Variants in PIAS1 observed in about 807,000 individuals in gnomAD.
PIAS1 encodes E3 SUMO-protein ligase PIAS1.
Under a neutral mutation model 71.3 loss-of-function variants are expected in PIAS1, and 6 were observed. That is an observed-to-expected ratio of 0.08 (90% CI 0.05 to 0.17). The LOEUF is 0.17. Among genes scored for constraint, PIAS1 ranks in the 10% least tolerant of loss-of-function variants. PIAS1 has a pLI of 1.00. For missense variants in PIAS1, 555 were observed against 793.6 expected, an observed-to-expected ratio of 0.70 and a Z score of 3.61; for synonymous variants, 303 against 292.9, an observed-to-expected ratio of 1.03 and a Z score of -0.35.
At position 68,141,422 on chromosome 15, in the gene PIAS1, C is replaced by CT. The variant is rs528739745; in HGVS notation, c.470-523dup. ...GACAATAAGCAAATTTTGAACTCAT[C>CT]TAAGATTAGGAGAAAAACTGTATGT... On this transcript the variant is annotated intron_variant, in intron 2 of 13. Transcript: ENST00000249636. Among the ~76,000 whole-genome samples, 35 of 152,108 alleles carry CT rather than the reference C, an allele frequency of 2.3e-4. 1 individual carries two copies. Among genetic ancestry groups the CT allele is most frequent in the Admixed American group, 2.2e-3 (34 of 15,264 alleles).
intron 6 of PIAS1, among the ~76,000 whole-genome samples, chr15:68,153,009 A>G (rs1363453058): frequency 1.3e-5 from 2 of 151,070 alleles, no homozygotes; most frequent in Non-Finnish European, 2.9e-5. Context: ...TTCTGTTTGA[A>G]AACCTTCTTT....
chr15:68,095,731 A>G lies in PIAS1; in HGVS notation c.469+8981A>G, dbSNP rs190552978. Reference sequence around the variant, plus strand: ...ATTTTCGTAGAGACAGGGTTTCATCATGTTGCCCAGGCTGGTCCCAAAATC... The same window carrying G: ...ATTTTCGTAGAGACAGGGTTTCATCGTGTTGCCCAGGCTGGTCCCAAAATC... On this transcript the variant is annotated intron_variant, in intron 2 of 13. Coordinates refer to ENST00000249636, the MANE Select transcript of PIAS1 (RefSeq NM_016166.3). Among the ~76,000 whole-genome samples the G allele has an allele frequency of 7.1e-3, 1,081 of 152,024 alleles. 12 individuals carry two copies. Among genetic ancestry groups the G allele is most frequent in the Non-Finnish European group, 0.012 (804 of 67,960 alleles).
intron 1 of PIAS1, among the ~76,000 whole-genome samples, chr15:68,070,970 G>A (rs1046868722): frequency 4.6e-5 from 7 of 151,964 alleles, no homozygotes; most frequent in Non-Finnish European, 1.0e-4. Flanking sequence ...TTACGTGTGT[G>A]TCTCAATATT....
At chr15:68,172,829 A>G (rs1018000197) in intron 8 of PIAS1, among the ~76,000 whole-genome samples, 1 of 152,210 alleles carries the variant, frequency 6.6e-6, no homozygotes, top group African/African-American at 2.4e-5. Context: ...CTCTTCCTGG[A>G]TAGACTCAAC....
intron 7 of PIAS1, among the ~76,000 whole-genome samples, chr15:68,158,596 C>T (rs1161990626): frequency 1.3e-5 from 2 of 151,892 alleles, no homozygotes; most frequent in African/African-American, 4.8e-5. Context: ...TCCTATTGCT[C>T]AGCACAGTGC....
At chr15:68,071,070 G>A (rs1247340211) in intron 1 of PIAS1, among the ~76,000 whole-genome samples, 1 of 152,144 alleles carries the variant, frequency 6.6e-6, no homozygotes, top group African/African-American at 2.4e-5. Context: ...GAGGACAATT[G>A]TAGGGGTTTG....
Position 68,145,944 on chromosome 15 carries a change from A to G in PIAS1, c.693+38A>G, listed in dbSNP as rs560225452. 4.5e-5 allele frequency: 51 copies of G among 1,133,176 alleles called. No individual in the cohort carries two copies. The African/African-American group carries it at 5.6e-4, about 13-fold the overall frequency. 70.2% of individuals were successfully genotyped at this position (1,133,176 alleles called of 1,614,324 possible). A position where few individuals can be genotyped will look rare whatever the true frequency, so the allele number is the denominator to read the frequency against. On this transcript the variant is annotated intron_variant, in intron 5 of 13. Transcript: ENST00000249636. ...AGCTGTTTTTTAAAATTCATTGCCA[A>G]CATAACTATCAAATAAGTCATCACA...
chr15:68,061,650 CT>C (rs1395679598), intron 1 of PIAS1, among the ~76,000 whole-genome samples: 2 of 152,044 alleles, frequency 1.3e-5, no homozygotes, highest in African/African-American at 4.8e-5. Flanking sequence ...TCTTTTTTAC[CT>C]TTTTTGCTAT....
chr15:68,081,031 T>G (rs1220362293), intron 1 of PIAS1, among the ~76,000 whole-genome samples: 1 of 152,186 alleles, frequency 6.6e-6, no homozygotes, highest in Admixed American at 6.6e-5. Context: ...CACTTTCTGT[T>G]TAGTTGCAAA....
chr15:68,130,498 T>C (rs965429207), intron 2 of PIAS1, among the ~76,000 whole-genome samples: 1 of 151,928 alleles, frequency 6.6e-6, no homozygotes, highest in African/African-American at 2.4e-5. Context: ...GACAATATTA[T>C]CAAAGAACTA....
chr15:68,073,724 C>T (rs750980724), intron 1 of PIAS1, among the ~76,000 whole-genome samples: 1 of 151,994 alleles, frequency 6.6e-6, no homozygotes, highest in Non-Finnish European at 1.5e-5. Context: ...AGATTGGTTA[C>T]GGTGGTCATG....
chr15:68,183,726 C>A, intron 13 of PIAS1, 59 bp downstream of exon 13: 1 of 677,558 alleles, frequency 1.5e-6, no homozygotes, highest in East Asian at 2.9e-5. Context: ...AGTCATGCGC[C>A]ACATAATGAC....
intron 7 of PIAS1, among the ~76,000 whole-genome samples, chr15:68,160,716 T>C (rs1378978860): frequency 6.6e-6 from 1 of 152,132 alleles, no homozygotes; most frequent in Admixed American, 6.6e-5. Context: ...CATATGATCA[T>C]CTCCAGAGAT....
chr15:68,081,780 T>C (rs922509196), intron 1 of PIAS1, among the ~76,000 whole-genome samples: 4 of 152,068 alleles, frequency 2.6e-5, no homozygotes, highest in East Asian at 3.9e-4. Context: ...TGTGTCTGAA[T>C]AATAAGTGTA....
At chr15:68,055,099 C>G (rs1160126622) in intron 1 of PIAS1, 2 of 523,396 alleles carry the variant, frequency 3.8e-6, no homozygotes, top group Middle Eastern at 9.5e-4. Flanking sequence ...AAGAGTGTGT[C>G]TTTGGAAGCA....
intron 1 of PIAS1, among the ~76,000 whole-genome samples, chr15:68,079,928 G>A (rs1312140683): frequency 2.0e-5 from 3 of 152,152 alleles, no homozygotes; most frequent in Non-Finnish European, 4.4e-5. Context: ...CACCTCCTGG[G>A]CTCAAGCGAT....
chr15:68,183,125 C>T (rs1432434370), intron 12 of PIAS1, among the ~76,000 whole-genome samples: 1 of 152,208 alleles, frequency 6.6e-6, no homozygotes, highest in Non-Finnish European at 1.5e-5. Context: ...CTTCTCCCCT[C>T]ATGCCACTGC....
intron 2 of PIAS1, among the ~76,000 whole-genome samples, chr15:68,125,112 T>G (rs1325873091): frequency 6.6e-6 from 1 of 152,242 alleles, no homozygotes; most frequent in Non-Finnish European, 1.5e-5. Context: ...ATTTTTCATT[T>G]CTTGAATACC....
At chr15:68,158,892 C>A (rs2092907614) in intron 7 of PIAS1, among the ~76,000 whole-genome samples, 1 of 152,126 alleles carries the variant, frequency 6.6e-6, no homozygotes, top group Non-Finnish European at 1.5e-5. Context: ...ATGGTAGCCA[C>A]CAGCAACATG....
Sources: allele counts gnomAD v4.1 joint callset (sites outside exome capture counted in the v4.1 genomes callset), GRCh38; gene constraint gnomAD v4.1.1; transcripts MANE v1.5; gene names NCBI Gene and HGNC (gene_info 2026-07-23, HGNC 2026-07-21).